Variants in TIGAR observed in about 807,000 individuals in gnomAD.
TIGAR encodes the protein fructose-2,6-bisphosphatase TIGAR.
A neutral mutation model predicts 17.9 loss-of-function variants in TIGAR; 7 were observed. That is an observed-to-expected ratio of 0.39 (90% confidence interval 0.22 to 0.73). The LOEUF (loss-of-function observed/expected upper bound fraction) is 0.73. Ranked by LOEUF, TIGAR falls within the 30% of genes least tolerant of loss-of-function variation. The pLI is 0.42. For missense variants in TIGAR, 258 were observed against 327.4 expected, an observed-to-expected ratio of 0.79 and a Z score of 1.64; for synonymous variants, 94 against 108.6, an observed-to-expected ratio of 0.87 and a Z score of 0.84.
Position 4,352,534 on chromosome 12 carries a change from C to T in TIGAR, c.656C>T (p.Ala219Val). ...FLTDLKCSLP[A>V]TLSRSELMSV... is the part of the protein sequence containing the mutation. The stretch of plus-strand genomic sequence containing the variant: ...ACTGACCTTAAGTGTTCCTTACCAG[C>T]CACTCTGAGCAGATCTGAACTTATG... The change falls in exon 6 of 6, where the codon GCC (alanine) becomes GTC (valine). Residue 219 changes from alanine (A) to valine (V), a missense_variant. Ala to Val is a moderately conservative substitution (Grantham distance 64, BLOSUM62 0). Coordinates refer to ENST00000179259, the MANE Select transcript of TIGAR (RefSeq NM_020375.3). 1 of 1,614,096 alleles carries T rather than the reference C, an allele frequency of 6.2e-7. No individual in the cohort carries two copies. The highest frequency in any genetic ancestry group is 2.2e-5 in the East Asian group (1 of 44,864).
intron 2 of TIGAR, among the ~76,000 whole-genome samples, chr12:4,335,030 A>T (rs1591661219): frequency 6.8e-6 from 1 of 147,440 alleles, no homozygotes; most frequent in Non-Finnish European, 1.5e-5. Context: ...CCTCTCCTTC[A>T]TTTTTTCTGT....
intron 1 of TIGAR, chr12:4,324,643 A>G: frequency 3.6e-6 from 5 of 1,384,458 alleles, no homozygotes; most frequent in Non-Finnish European, 5.1e-6. Flanking sequence ...GCGCTTCAGC[A>G]GCGAGTTCTG....
At chr12:4,351,110 G>A (rs563902110) in intron 4 of TIGAR, among the ~76,000 whole-genome samples, 157 bp from the exon 5 acceptor site, 2 of 152,346 alleles carry the variant, frequency 1.3e-5, no homozygotes, top group East Asian at 3.9e-4. Context: ...CCTCTACTGA[G>A]TACATTCTCA....
At position 4,355,499 on chromosome 12, in the gene TIGAR, A is replaced by G. The variant is rs1362228797; in HGVS notation, c.*2808A>G. Among the ~76,000 whole-genome samples, 1 of 152,204 alleles carries G rather than the reference A, an allele frequency of 6.6e-6. No individual in the cohort carries two copies. The highest frequency in any genetic ancestry group is 1.9e-4 in the East Asian group (1 of 5,202). On this transcript the variant is annotated 3_prime_UTR_variant, in exon 6 of 6. Transcript: ENST00000179259. ...ACTATTTATGCACTTTTATTCTTCC[A>G]TATAAATTTTGGAATCAATTGGTCA... is the stretch of plus-strand genomic sequence containing the variant.
At position 4,357,906 on chromosome 12, in the gene TIGAR, A is replaced by G. The variant is rs1428543369; in HGVS notation, c.*5215A>G. On this transcript the variant is annotated 3_prime_UTR_variant, in exon 6 of 6. Transcript: ENST00000179259. ...ATCACGAGGTCAGGAGATAGAGACC[A>G]TCCTGGCTAACACAGTGAAACCTCG... 6.6e-6 allele frequency among the ~76,000 whole-genome samples: 1 copy of G among 151,088 alleles called. No homozygotes were observed. The highest frequency in any genetic ancestry group is 1.5e-5 in the Non-Finnish European group (1 of 67,846).
In TIGAR at chr12:4,356,947, CCTA is replaced by C. The variant is rs1864909918; in HGVS notation, c.*4260_*4262del. On this transcript the variant is annotated 3_prime_UTR_variant, in exon 6 of 6. Coordinates refer to ENST00000179259, the MANE Select transcript of TIGAR (RefSeq NM_020375.3). Reference sequence around the variant, plus strand: ...TCCTGTCCTTCCCACTCCTCACTCACCTACTATTCATTTCCATTTTTGGATGAG... The same window carrying C: ...TCCTGTCCTTCCCACTCCTCACTCACCTATTCATTTCCATTTTTGGATGAG... Among the ~76,000 whole-genome samples the C allele has an allele frequency of 1.3e-5, 2 of 152,214 alleles. No homozygotes were observed. Among genetic ancestry groups the C allele is most frequent in the Non-Finnish European group, 2.9e-5 (2 of 68,034 alleles).
intron 2 of TIGAR, among the ~76,000 whole-genome samples, chr12:4,336,477 CACACACACACACACACACTCACACACAT>C (rs1565447608): frequency 6.6e-6 from 1 of 150,948 alleles, no homozygotes; most frequent in African/African-American, 2.5e-5. Context: ...CACACACACA[CACACACACACACACACACTCACACACAT>C]ACACCATTTA....
intron 3 of TIGAR, among the ~76,000 whole-genome samples, chr12:4,346,390 T>C (rs1864780587): frequency 6.6e-6 from 1 of 151,970 alleles, no homozygotes; most frequent in Admixed American, 6.6e-5. Flanking sequence ...ATTAAGAAAA[T>C]GTGGCACATA....
chr12:4,322,271 A>T (rs1864489951), intron 1 of TIGAR, among the ~76,000 whole-genome samples: 1 of 152,236 alleles, frequency 6.6e-6, no homozygotes, highest in Admixed American at 6.5e-5. Context: ...TGTTGGGATT[A>T]CAGGCATGAG....
chr12:4,324,492 C>A, intron 1 of TIGAR: 1 of 1,607,726 alleles, frequency 6.2e-7, no homozygotes, highest in East Asian at 2.2e-5. Flanking sequence ...CCGGCTTGAT[C>A]TCCACCTGGT....
chr12:4,352,593 A>G lies in TIGAR; in HGVS notation c.715A>G (p.Ile239Val). 1 of 1,613,154 alleles carries G rather than the reference A, an allele frequency of 6.2e-7. No homozygotes were observed. The highest frequency in any genetic ancestry group is 8.5e-7 in the Non-Finnish European group (1 of 1,180,028). ...VTPNTGMSLF[I>V]INFEEGREVK... ...TCCCAATACAGGGATGAGTCTCTTT[A>G]TCATAAACTTTGAGGAAGGAAGAGA... Residue 239 changes from isoleucine (I) to valine (V), a missense_variant, in exon 6 of 6, where the codon ATC becomes GTC. Ile to Val is a conservative substitution (Grantham distance 29). Transcript: ENST00000179259.
rs1864517208 is a variant in TIGAR, at chr12:4,324,544, A to G, written c.32+3241A>G. 3.1e-6 allele frequency: 5 copies of G among 1,608,802 alleles called. No homozygotes were observed. In the South Asian group the frequency reaches 5.6e-5, roughly 18 times the overall value. On this transcript the variant is annotated intron_variant, in intron 1 of 5. Coordinates refer to ENST00000179259, the MANE Select transcript of TIGAR (RefSeq NM_020375.3). The stretch of plus-strand genomic sequence containing the variant: ...GTAGACGCCCACCATGCTGCCCACC[A>G]TCTTGGGCAGGATGATCATGTCCCG...
Position 4,357,039 on chromosome 12 carries a change from T to A in TIGAR, c.*4348T>A, listed in dbSNP as rs1174485792. On this transcript the variant is annotated 3_prime_UTR_variant, in exon 6 of 6. Coordinates refer to ENST00000179259, the MANE Select transcript of TIGAR (RefSeq NM_020375.3). ...AGTTAGCATCTTTATTCTAATTTCT[T>A]TAAATGCTATGTCATACTCAGCAAG... Among the ~76,000 whole-genome samples the A allele has an allele frequency of 6.6e-6, 1 of 152,204 alleles. No homozygotes were observed. Among genetic ancestry groups the A allele is most frequent in the Non-Finnish European group, 1.5e-5 (1 of 68,034 alleles).
chr12:4,349,636 C>T (rs1864816157), intron 3 of TIGAR, among the ~76,000 whole-genome samples, 183 bp from the exon 4 acceptor site: 1 of 152,128 alleles, frequency 6.6e-6, no homozygotes, highest in Non-Finnish European at 1.5e-5. Context: ...CCAGGATGGT[C>T]TCGATCTCCT....
rs1864943068 is a variant in TIGAR at position 4,358,842 on chromosome 12, C to CT, written c.*6158dup. Among the ~76,000 whole-genome samples, 1 of 151,230 alleles carries CT rather than the reference C, an allele frequency of 6.6e-6. No individual in the cohort carries two copies. Among genetic ancestry groups the CT allele is most frequent in the African/African-American group, 2.4e-5 (1 of 41,176 alleles). On this transcript the variant is annotated 3_prime_UTR_variant, in exon 6 of 6. Transcript: ENST00000179259. The stretch of plus-strand genomic sequence containing the variant: ...TACTCCTTTGCCTTCCTTTGCCCTT[C>CT]TTTTTTTCTCCCACCATCTATCTAA...
intron 1 of TIGAR, chr12:4,324,502 T>A (rs999199150): frequency 8.7e-6 from 14 of 1,608,992 alleles, no homozygotes; most frequent in Non-Finnish European, 1.2e-5. Context: ...CTCCACCTGG[T>A]TGAAGGTCTT....
At chr12:4,348,061 A>T (rs1475894374) in intron 3 of TIGAR, among the ~76,000 whole-genome samples, 1 of 152,062 alleles carries the variant, frequency 6.6e-6, no homozygotes, top group Non-Finnish European at 1.5e-5. Flanking sequence ...ACTTGAGCTC[A>T]GGTAGTTGAG....
intron 1 of TIGAR, among the ~76,000 whole-genome samples, chr12:4,325,873 G>C (rs1591658738): frequency 6.6e-6 from 1 of 152,116 alleles, no homozygotes; most frequent in Non-Finnish European, 1.5e-5. Flanking sequence ...TCAGGTGAGG[G>C]TTTACATTTT....
At position 4,356,887 on chromosome 12, in the gene TIGAR, C is replaced by T. The variant is rs1449397319; in HGVS notation, c.*4196C>T. Among the ~76,000 whole-genome samples the T allele has an allele frequency of 2.0e-5, 3 of 152,162 alleles. No homozygotes were observed. The highest frequency in any genetic ancestry group is 2.1e-4 in the South Asian group (1 of 4,814). On this transcript the variant is annotated 3_prime_UTR_variant, in exon 6 of 6. Transcript: ENST00000179259. ...GCTTAGGCTCCCTTGCACCTGGAGT[C>T]GAAACCATGGCTCCCATTCACCTGT...
Sources: gnomAD v4.1 joint callset for allele counts (sites outside exome capture counted in the v4.1 genomes callset) on GRCh38, gnomAD v4.1.1 for gene constraint, MANE v1.5 for transcripts, NCBI Gene and HGNC (gene_info 2026-07-23, HGNC 2026-07-21) for gene names.